The following FBXL13 variants were observed in gnomAD, a reference collection of about 807,000 sequenced individuals.
The protein encoded by FBXL13 is F-box and leucine-rich repeat protein 13.
Under a neutral mutation model 83.6 loss-of-function variants are expected in FBXL13, and 67 were observed. The ratio of observed to expected loss-of-function variants is 0.80; its 90% CI spans 0.66 to 0.98. The LOEUF is 0.98. Ranked by LOEUF, FBXL13 falls within the 50% of genes least tolerant of loss-of-function variation. The probability of loss-of-function intolerance (pLI) is 0.00; values close to 1 mark genes in which losing one functional copy is unlikely to be tolerated. For missense variants in FBXL13, 822 were observed against 866.5 expected (o/e 0.95, Z 0.64); for synonymous variants, 272 against 299.5 (o/e 0.91, Z 0.95).
chr7:103,046,207 G>A (rs1796257371), intron 2 of FBXL13, among the ~76,000 whole-genome samples: 1 of 152,158 alleles, frequency 6.6e-6, no homozygotes, highest in South Asian at 2.1e-4. Flanking sequence ...TACGTTTGAT[G>A]TATTTCTCCA....
chr7:102,822,479 G>T, intron 18 of FBXL13: 1 of 568,626 alleles, frequency 1.8e-6, no homozygotes, highest in Non-Finnish European at 3.3e-6. Flanking sequence ...TCTAGTCTTT[G>T]TCTTCTTATA....
At chr7:102,852,608 C>G (rs1805432605) in intron 17 of FBXL13, among the ~76,000 whole-genome samples, 1 of 152,130 alleles carries the variant, frequency 6.6e-6, no homozygotes, top group Non-Finnish European at 1.5e-5. Flanking sequence ...CACAAATGAT[C>G]AGGGAAATGT....
chr7:103,066,055 G>A (rs1798363276), intron 1 of FBXL13, among the ~76,000 whole-genome samples: 1 of 152,218 alleles, frequency 6.6e-6, no homozygotes, highest in Admixed American at 6.5e-5. Context: ...CAACATGCTA[G>A]CCCAAAGCAA....
rs1228295352 is a variant in FBXL13 at position 102,832,978 on chromosome 7, C to A, written c.1720-4G>T. The A allele has an allele frequency of 2.5e-6, 4 of 1,613,652 alleles. No individual in the cohort carries two copies. The highest frequency in any genetic ancestry group is 1.7e-5 in the Admixed American group (1 of 59,906). On this transcript the variant is annotated splice_polypyrimidine_tract_variant and splice_region_variant and intron_variant, in intron 17 of 19. Transcript: ENST00000313221. ...TCAGTGAGCTTTTGCAGAATGCCTG[C>A]AAAAAATTCCAAGGTCAAATTTTTT... is the stretch of plus-strand genomic sequence containing the variant.
At chr7:102,885,998 G>T (rs547650250) in intron 11 of FBXL13, among the ~76,000 whole-genome samples, 1 of 152,264 alleles carries the variant, frequency 6.6e-6, no homozygotes, top group Non-Finnish European at 1.5e-5. Context: ...CCTTATGCCA[G>T]TGCCATACTG....
intron 16 of FBXL13, among the ~76,000 whole-genome samples, chr7:102,866,414 G>T (rs897647089): frequency 2.0e-5 from 3 of 152,118 alleles, no homozygotes; most frequent in South Asian, 4.1e-4. Context: ...TGGAGAGAAG[G>T]GCCTGAGGAG....
chr7:102,945,638 C>A (rs1485655605), intron 8 of FBXL13, among the ~76,000 whole-genome samples: 1 of 152,062 alleles, frequency 6.6e-6, no homozygotes, highest in African/African-American at 2.4e-5. Context: ...AGACCCTGAT[C>A]CCATCAGTTT....
At chr7:102,927,755 T>C (rs962072224) in intron 9 of FBXL13, among the ~76,000 whole-genome samples, 9 of 152,188 alleles carry the variant, frequency 5.9e-5, no homozygotes, top group African/African-American at 2.2e-4. Context: ...TTTTTCTAGA[T>C]GCCCCATCAC....
chr7:102,949,994 T>C (rs1204224390), intron 8 of FBXL13, among the ~76,000 whole-genome samples: 1 of 152,166 alleles, frequency 6.6e-6, no homozygotes, highest in Non-Finnish European at 1.5e-5. Context: ...TAATCCCACC[T>C]ACTCAGGAGA....
intron 8 of FBXL13, among the ~76,000 whole-genome samples, chr7:102,962,746 A>G (rs1473815786): frequency 6.9e-6 from 1 of 144,572 alleles, no homozygotes; most frequent in Non-Finnish European, 1.5e-5. Flanking sequence ...AAAACCAAAC[A>G]CCACATATTC....
intron 16 of FBXL13, among the ~76,000 whole-genome samples, chr7:102,861,192 C>A (rs1228520043): frequency 6.6e-6 from 1 of 151,956 alleles, no homozygotes; most frequent in Non-Finnish European, 1.5e-5. Flanking sequence ...AGAAAATGAA[C>A]AGTAATACTG....
intron 11 of FBXL13, among the ~76,000 whole-genome samples, chr7:102,906,538 A>G (rs1813780136): frequency 6.6e-6 from 1 of 152,202 alleles, no homozygotes; most frequent in African/African-American, 2.4e-5. Flanking sequence ...AGGACAGGAC[A>G]GTTGATGAAG....
chr7:102,949,923 T>A (rs779498052), intron 8 of FBXL13, among the ~76,000 whole-genome samples: 3 of 152,032 alleles, frequency 2.0e-5, no homozygotes, highest in Non-Finnish European at 2.9e-5. Flanking sequence ...CTGGCCAACA[T>A]GGCGAAATCC....
chr7:103,026,002 C>T (rs1793864046), intron 5 of FBXL13, among the ~76,000 whole-genome samples: 1 of 150,412 alleles, frequency 6.6e-6, no homozygotes, highest in South Asian at 2.1e-4. Flanking sequence ...ATATAATATA[C>T]ATATATCTTG....
chr7:102,976,098 C>T (rs1245806938), intron 6 of FBXL13: 1 of 766,360 alleles, frequency 1.3e-6, no homozygotes, highest in Non-Finnish European at 2.4e-6. Flanking sequence ...ACCCCCATCC[C>T]TTCCTGAGCC....
At chr7:102,814,040 TG>T (rs1426796712) in intron 19 of FBXL13, among the ~76,000 whole-genome samples, 1 of 152,180 alleles carries the variant, frequency 6.6e-6, no homozygotes, top group Non-Finnish European at 1.5e-5. Flanking sequence ...TGAGAAGGTT[TG>T]TGACTCAAAG....
At chr7:102,891,921 T>C (rs1811585229) in intron 11 of FBXL13, among the ~76,000 whole-genome samples, 1 of 152,230 alleles carries the variant, frequency 6.6e-6, no homozygotes, top group South Asian at 2.1e-4. Context: ...ATCACAACCA[T>C]AATACTTTTT....
At chr7:102,866,457 A>G (rs1807668338) in intron 16 of FBXL13, among the ~76,000 whole-genome samples, 2 of 152,208 alleles carry the variant, frequency 1.3e-5, no homozygotes, top group Admixed American at 1.3e-4. Context: ...TATGAAAAAA[A>G]ACCAAAAGCC....
At chr7:103,050,260 A>C (rs1189347685) in intron 2 of FBXL13, among the ~76,000 whole-genome samples, 1 of 152,144 alleles carries the variant, frequency 6.6e-6, no homozygotes, top group East Asian at 1.9e-4. Context: ...AAGAGGAAAA[A>C]AGCCAGAAAT....
Sources: gnomAD v4.1 joint callset for allele counts (sites outside exome capture counted in the v4.1 genomes callset) on GRCh38, gnomAD v4.1.1 for gene constraint, MANE v1.5 for transcripts, NCBI Gene and HGNC (gene_info 2026-07-23, HGNC 2026-07-21) for gene names.